CTDSPL: variants seen among roughly 807,000 people sequenced by gnomAD.
The protein encoded by CTDSPL is CTD small phosphatase like, also known as CTD small phosphatase-like protein.
CTDSPL carries 8 observed loss-of-function variants against 30.5 expected under a neutral mutation model. The ratio of observed to expected loss-of-function variants is 0.26; its 90% CI spans 0.15 to 0.47. CTDSPL has a LOEUF of 0.47. CTDSPL is among the 20% of genes least tolerant of loss of function. The pLI is 0.99. For synonymous variants in CTDSPL, 110 were observed against 137.9 expected (o/e 0.80, Z 1.42); for missense variants, 248 against 366.1 (o/e 0.68, Z 2.63).
chr3:37,956,625 C>T (rs71323647), intron 2 of CTDSPL, among the ~76,000 whole-genome samples: 1,829 of 152,128 alleles, frequency 0.012, 19 homozygotes, highest in Middle Eastern at 0.024. Flanking sequence ...TTGCCTTGTC[C>T]CCTCTCCCCA....
intron 1 of CTDSPL, among the ~76,000 whole-genome samples, chr3:37,907,440 A>T (rs1236673821): frequency 6.6e-6 from 1 of 152,246 alleles, no homozygotes; most frequent in Non-Finnish European, 1.5e-5. Flanking sequence ...TCTCTAAGGA[A>T]AAAATTAAGA....
intron 2 of CTDSPL, among the ~76,000 whole-genome samples, chr3:37,947,875 A>G (rs1366470193): frequency 2.6e-5 from 4 of 152,264 alleles, no homozygotes; most frequent in Non-Finnish European, 5.9e-5. Context: ...AACATGTTAT[A>G]TATTCTTTTG....
At chr3:37,957,177 CA>C in intron 3 of CTDSPL, 34 bp downstream of exon 3, 1 of 1,473,260 alleles carries the variant, frequency 6.8e-7, no homozygotes, top group Non-Finnish European at 9.3e-7. Context: ...TTTATTAAAA[CA>C]GTCATAAAAT....
At chr3:37,888,863 C>T (rs1442558539) in intron 1 of CTDSPL, among the ~76,000 whole-genome samples, 1 of 152,166 alleles carries the variant, frequency 6.6e-6, no homozygotes, top group Non-Finnish European at 1.5e-5. Flanking sequence ...GGCACTGCCA[C>T]CAGCCAGGGC....
At chr3:37,872,086 G>A (rs753935934) in intron 1 of CTDSPL, among the ~76,000 whole-genome samples, 7 of 152,148 alleles carry the variant, frequency 4.6e-5, no homozygotes, top group Non-Finnish European at 7.4e-5. Flanking sequence ...CAACCTCATG[G>A]ACTCAAGTGA....
At chr3:37,893,685 G>A (rs1443463860) in intron 1 of CTDSPL, among the ~76,000 whole-genome samples, 3 of 152,190 alleles carry the variant, frequency 2.0e-5, no homozygotes, top group South Asian at 2.1e-4. Context: ...AGAGGAATAA[G>A]TATAAATATT....
At chr3:37,964,415 A>G (rs1559646302) in intron 3 of CTDSPL, among the ~76,000 whole-genome samples, 156 bp from the exon 4 acceptor site, 2 of 152,258 alleles carry the variant, frequency 1.3e-5, no homozygotes, top group South Asian at 4.1e-4. Context: ...ACCGTATTTG[A>G]TAAAACTTTA....
chr3:37,901,074 G>C (rs1698445020), intron 1 of CTDSPL, among the ~76,000 whole-genome samples: 1 of 152,168 alleles, frequency 6.6e-6, no homozygotes, highest in Non-Finnish European at 1.5e-5. Flanking sequence ...TGGGATTACA[G>C]GTGTGAGCCA....
Position 37,862,305 on chromosome 3 carries a change from G to A in CTDSPL, c.79+27G>A. 1 of 1,465,624 alleles carries A rather than the reference G, an allele frequency of 6.8e-7. No homozygotes were observed. The highest frequency in any genetic ancestry group is 2.4e-5 in the Admixed American group (1 of 41,320). 90.8% of individuals were successfully genotyped at this position (1,465,624 alleles called of 1,614,324 possible). On this transcript the variant is annotated intron_variant, in intron 1 of 7. Coordinates refer to ENST00000273179, the MANE Select transcript of CTDSPL (RefSeq NM_001008392.2). This position sits in a 1 kb window ranked among gnomAD's most constrained non-coding sequence, Gnocchi z 4.3. Reference sequence around the variant, plus strand: ...TGAGGAGGGGCGCAGGCGGCCGCGGGCTGGGGGCGAGCGCACACCCCGCGC... The same window carrying A: ...TGAGGAGGGGCGCAGGCGGCCGCGGACTGGGGGCGAGCGCACACCCCGCGC...
At chr3:37,880,586 A>G (rs940036050) in intron 1 of CTDSPL, among the ~76,000 whole-genome samples, 1 of 152,236 alleles carries the variant, frequency 6.6e-6, no homozygotes, top group African/African-American at 2.4e-5. Flanking sequence ...GACTGTCTTC[A>G]TAATCACTTG....
At chr3:37,927,933 T>C (rs1024070412) in intron 1 of CTDSPL, among the ~76,000 whole-genome samples, 7 of 152,100 alleles carry the variant, frequency 4.6e-5, no homozygotes, top group African/African-American at 1.7e-4. Context: ...GTAAGTGGAA[T>C]CATACAGTAT....
chr3:37,931,395 T>TGCCTCA (rs1698853733), intron 1 of CTDSPL, among the ~76,000 whole-genome samples: 2 of 152,104 alleles, frequency 1.3e-5, no homozygotes, highest in East Asian at 1.9e-4. Context: ...GTGAGCCTCT[T>TGCCTCA]GCCTCAGCCT....
chr3:37,908,650 A>C (rs1698545221), intron 1 of CTDSPL, among the ~76,000 whole-genome samples: 1 of 152,246 alleles, frequency 6.6e-6, no homozygotes, highest in African/African-American at 2.4e-5. Flanking sequence ...GACGATAGAC[A>C]GGAAATTGAA....
intron 1 of CTDSPL, among the ~76,000 whole-genome samples, chr3:37,867,929 A>G (rs751114133): frequency 1.3e-4 from 20 of 152,300 alleles, no homozygotes; most frequent in Admixed American, 3.3e-4. Flanking sequence ...GTTTGTCACC[A>G]CAAAGGAACT....
intron 1 of CTDSPL, among the ~76,000 whole-genome samples, chr3:37,927,723 CTCT>C (rs998372577): frequency 1.4e-5 from 2 of 144,776 alleles, no homozygotes; most frequent in Non-Finnish European, 3.0e-5. Context: ...GAAATCTACC[CTCT>C]TAAGTTTTTA....
chr3:37,880,085 T>C (rs1698185956), intron 1 of CTDSPL, among the ~76,000 whole-genome samples: 1 of 149,664 alleles, frequency 6.7e-6, no homozygotes, highest in Admixed American at 6.7e-5. Context: ...GAAGCTATCA[T>C]GTTTTTATGA....
At position 37,968,234 on chromosome 3, in the gene CTDSPL, C is replaced by G. The variant is rs1386680344; in HGVS notation, c.426+352C>G. The G allele has an allele frequency of 1.7e-5, 8 of 460,784 alleles. No homozygotes were observed. In the East Asian group the frequency reaches 5.3e-4, roughly 31 times the overall value. The allele number at this position is 460,784 out of a possible 1,614,324, so 28.5% of individuals were successfully genotyped here. On this transcript the variant is annotated intron_variant, in intron 5 of 7. Transcript: ENST00000273179. ...CTCCTAGCAGGCAACAGGAAAATGC[C>G]ACAAGTCACCCACTTATGGTGGACT...
At chr3:37,947,293 A>C in intron 2 of CTDSPL, 82 bp downstream of exon 2, 1 of 1,503,538 alleles carries the variant, frequency 6.7e-7, no homozygotes, top group Non-Finnish European at 9.0e-7. Context: ...TATCCTTAAG[A>C]AGAATATGCA....
Position 37,862,442 on chromosome 3 carries a change from G to A in CTDSPL, c.79+164G>A, listed in dbSNP as rs376944183. 6.6e-6 allele frequency among the ~76,000 whole-genome samples: 1 copy of A among 152,136 alleles called. No individual in the cohort carries two copies. The highest frequency in any genetic ancestry group is 1.5e-5 in the Non-Finnish European group (1 of 68,000). ...GAGGAGAGCGAGGCTGCCAGAGTGC[G>A]TGTGCCGACTGAGCCAGTGTGAGTG... On this transcript the variant is annotated intron_variant, in intron 1 of 7. Coordinates refer to ENST00000273179, the MANE Select transcript of CTDSPL (RefSeq NM_001008392.2). The surrounding 1 kb of genome is among the most constrained non-coding windows in gnomAD (Gnocchi z 4.3).
Sources: allele counts gnomAD v4.1 joint callset (sites outside exome capture counted in the v4.1 genomes callset), GRCh38; gene constraint gnomAD v4.1.1; non-coding constraint Gnocchi (gnomAD v3.1); transcripts MANE v1.5; gene names NCBI Gene and HGNC (gene_info 2026-07-23, HGNC 2026-07-21).